Variants in ANKS1B observed in about 807,000 individuals in gnomAD.
The protein encoded by ANKS1B is ankyrin repeat and sterile alpha motif domain containing 1B.
Under a neutral mutation model 148.3 loss-of-function variants are expected in ANKS1B, and 36 were observed. The ratio of observed to expected loss-of-function variants is 0.24; its 90% CI spans 0.19 to 0.32. The LOEUF (loss-of-function observed/expected upper bound fraction) is 0.32. Ranked by LOEUF, ANKS1B falls within the 10% of genes least tolerant of loss-of-function variation. The probability of loss-of-function intolerance (pLI) is 1.00; values close to 1 mark genes in which losing one functional copy is unlikely to be tolerated. For missense variants in ANKS1B, 1,157 were observed against 1,542.6 expected, an observed-to-expected ratio of 0.75 and a Z score of 4.19; for synonymous variants, 542 against 560.8, an observed-to-expected ratio of 0.97 and a Z score of 0.47.
At chr12:99,566,191 T>C (rs1026306933) in intron 9 of ANKS1B, among the ~76,000 whole-genome samples, 2 of 152,198 alleles carry the variant, frequency 1.3e-5, no homozygotes, top group Non-Finnish European at 2.9e-5. Flanking sequence ...CTAATCCATT[T>C]TCTTTAACAT....
chr12:98,789,158 C>T (rs2098824486), intron 22 of ANKS1B, among the ~76,000 whole-genome samples: 1 of 152,084 alleles, frequency 6.6e-6, no homozygotes. Context: ...GCCTGGCCAA[C>T]ATGGTGAAAC....
Position 99,801,383 on chromosome 12 carries a change from C to T in ANKS1B, c.669+5021G>A, listed in dbSNP as rs546267877. Among the ~76,000 whole-genome samples, 17 of 152,188 alleles carry T rather than the reference C, an allele frequency of 1.1e-4. 1 individual carries two copies. The South Asian group carries it at 3.5e-3, about 32-fold the overall frequency. ...TCGTATCTCAGAGGTCAAAAGAAAA[C>T]GGTGGTTCAAAGAAGAGACAGATAC... On this transcript the variant is annotated intron_variant, in intron 4 of 26. Coordinates refer to ENST00000683438, the MANE Select transcript of ANKS1B (RefSeq NM_001352186.2).
At chr12:98,931,640 A>G (rs1052262604) in intron 17 of ANKS1B, 2 of 152,210 alleles carry the variant, frequency 1.3e-5, no homozygotes, top group African/African-American at 4.8e-5. Flanking sequence ...TAGAGAAAAA[A>G]GAGGACTCAA....
Position 98,858,480 on chromosome 12 carries a change from C to T in ANKS1B, c.2779-26344G>A, listed in dbSNP as rs1363019343. Among the ~76,000 whole-genome samples, 6 of 152,262 alleles carry T rather than the reference C, an allele frequency of 3.9e-5. No homozygotes were observed. In the East Asian group the frequency reaches 9.7e-4, roughly 25 times the overall value. On this transcript the variant is annotated intron_variant, in intron 17 of 26. Transcript: ENST00000683438. Reference sequence around the variant, plus strand: ...ACCTCTGCCTCCCGAGTAGCTAGGACCACAGGCCCATGCTACCATGCCTGG... The same window carrying T: ...ACCTCTGCCTCCCGAGTAGCTAGGATCACAGGCCCATGCTACCATGCCTGG...
intron 9 of ANKS1B, among the ~76,000 whole-genome samples, chr12:98,736,982 G>A (rs1378394941): frequency 6.6e-6 from 1 of 152,226 alleles, no homozygotes; most frequent in Non-Finnish European, 1.5e-5. Flanking sequence ...AAACAGGACA[G>A]TATCAGCAGT....
chr12:99,893,588 C>A (rs2093234291), intron 1 of ANKS1B, among the ~76,000 whole-genome samples: 1 of 151,654 alleles, frequency 6.6e-6, no homozygotes, highest in Admixed American at 6.6e-5. Flanking sequence ...GAAACTATGC[C>A]AAAAAAGAAA....
In ANKS1B at chr12:99,772,966, T is replaced by C. The variant is rs1297333721; in HGVS notation, c.1084A>G (p.Lys362Glu). ...ISDHYLDNLSKISEEELGKNG... is the reference protein window; with the variant it reads ...ISDHYLDNLSEISEEELGKNG... ...TTCCCAAGTTCTTCCTCTGAAATCTTGCTCAAATTATCTAAGTAGTGGTCT... is the reference window on the plus strand; with the variant it reads ...TTCCCAAGTTCTTCCTCTGAAATCTCGCTCAAATTATCTAAGTAGTGGTCT... Residue 362 changes from lysine to glutamate, a missense_variant, in exon 8 of 27, where the codon AAG (lysine) becomes GAG (glutamate). Lys to Glu is a moderately conservative substitution (Grantham distance 56, BLOSUM62 1). Transcript: ENST00000683438. 3.7e-6 allele frequency: 6 copies of C among 1,611,890 alleles called. No homozygotes were observed. Among genetic ancestry groups the C allele is most frequent in the Admixed American group, 1.7e-5 (1 of 59,808 alleles).
At chr12:98,846,631 C>T (rs1567107819) in intron 17 of ANKS1B, among the ~76,000 whole-genome samples, 2 of 152,372 alleles carry the variant, frequency 1.3e-5, no homozygotes, top group East Asian at 3.9e-4. Flanking sequence ...ACACACTCTG[C>T]AATAAAGCAG....
intron 17 of ANKS1B, chr12:98,931,751 G>T (rs1567852531): frequency 6.6e-6 from 1 of 152,080 alleles, no homozygotes; most frequent in Non-Finnish European, 1.5e-5. Flanking sequence ...AGTTAATACT[G>T]CCCTTCATCC....
At chr12:99,486,809 A>G (rs1447126335) in intron 10 of ANKS1B, among the ~76,000 whole-genome samples, 1 of 152,124 alleles carries the variant, frequency 6.6e-6, no homozygotes, top group Non-Finnish European at 1.5e-5. Flanking sequence ...TTTCATCTGT[A>G]GGAATGTTGA....
At chr12:99,379,297 G>A (rs181362406) in intron 12 of ANKS1B, among the ~76,000 whole-genome samples, 3 of 152,284 alleles carry the variant, frequency 2.0e-5, no homozygotes, top group Admixed American at 1.3e-4. Flanking sequence ...TGGTCAAAGT[G>A]CAAGCCCTGA....
intron 8 of ANKS1B, among the ~76,000 whole-genome samples, chr12:99,662,532 G>A (rs1181387469): frequency 6.6e-6 from 1 of 152,194 alleles, no homozygotes; most frequent in Non-Finnish European, 1.5e-5. Context: ...TGCCCTCATA[G>A]ATGTTTTATT....
intron 19 of ANKS1B, 35 bp from the exon 20 acceptor site, chr12:98,807,953 T>C (rs377376336): frequency 1.5e-4 from 232 of 1,545,204 alleles, no homozygotes; most frequent in Non-Finnish European, 8.6e-5. Context: ...ATCTTGTCAA[T>C]ATTTAAAACA....
intron 17 of ANKS1B, among the ~76,000 whole-genome samples, chr12:98,870,701 C>T (rs2099658801): frequency 1.3e-5 from 2 of 152,244 alleles, no homozygotes; most frequent in Non-Finnish European, 2.9e-5. Context: ...CAAATGCAAA[C>T]ACTTGGCTGT....
chr12:98,745,496 G>C lies in ANKS1B; in HGVS notation c.*243C>G. 1.7e-6 allele frequency: 2 copies of C among 1,189,838 alleles called. No individual in the cohort carries two copies. Among genetic ancestry groups the C allele is most frequent in the Non-Finnish European group, 2.1e-6 (2 of 958,018 alleles). The allele number at this position is 1,189,838 out of a possible 1,614,324, so 73.7% of individuals were successfully genotyped here. On this transcript the variant is annotated 3_prime_UTR_variant, in exon 27 of 27. Transcript: ENST00000683438. Reference sequence around the variant, plus strand: ...GAGGTGGTGGGGAGGGGAGTCGGGAGCATCAGGGAAAACCCATCTCAACTC... The same window carrying C: ...GAGGTGGTGGGGAGGGGAGTCGGGACCATCAGGGAAAACCCATCTCAACTC...
chr12:99,294,696 G>A (rs1013150871), intron 12 of ANKS1B, among the ~76,000 whole-genome samples: 7 of 151,634 alleles, frequency 4.6e-5, no homozygotes, highest in South Asian at 4.2e-4. Context: ...TCCTGCTGCC[G>A]AGGCTGGAGT....
chr12:99,015,877 CA>C lies in ANKS1B; in HGVS notation c.2778+37279del, dbSNP rs1264360554. Among the ~76,000 whole-genome samples, 5 of 152,042 alleles carry C rather than the reference CA, an allele frequency of 3.3e-5. No homozygotes were observed. In the East Asian group the frequency reaches 7.7e-4, roughly 24 times the overall value. On this transcript the variant is annotated intron_variant, in intron 17 of 26. Coordinates refer to ENST00000683438, the MANE Select transcript of ANKS1B (RefSeq NM_001352186.2). ...CAAGACTCCATCTCAAACCAAAAAACAAAAAACAAACAAAAAAACACAGCTT... is the reference window on the plus strand; with the variant it reads ...CAAGACTCCATCTCAAACCAAAAAACAAAAACAAACAAAAAAACACAGCTT...
intron 8 of ANKS1B, among the ~76,000 whole-genome samples, chr12:99,692,259 C>T (rs186397132): frequency 4.6e-5 from 7 of 152,006 alleles, no homozygotes; most frequent in East Asian, 1.9e-4. Context: ...TACAATAATC[C>T]GGTGAGAATT....
intron 8 of ANKS1B, among the ~76,000 whole-genome samples, chr12:99,689,928 C>A (rs2098669895): frequency 6.6e-6 from 1 of 152,126 alleles, no homozygotes. Context: ...TTAGTCCATT[C>A]TCACAATGCT....
Sources: allele counts gnomAD v4.1 joint callset (sites outside exome capture counted in the v4.1 genomes callset), GRCh38; gene constraint gnomAD v4.1.1; transcripts MANE v1.5; gene names NCBI Gene and HGNC (gene_info 2026-07-23, HGNC 2026-07-21).